The following OR7E24 variants were observed in gnomAD, a reference collection of about 807,000 sequenced individuals.
OR7E24 encodes olfactory receptor family 7 subfamily E member 24.
For synonymous variants in OR7E24, 130 were observed against 157.5 expected (o/e 0.83, Z 1.31); for missense variants, 385 against 410.3 (o/e 0.94, Z 0.53).
rs761441522 is a variant in OR7E24, at chr19:9,251,956, C to A, written c.913C>A (p.Pro305Thr). 1.2e-6 allele frequency: 2 copies of A among 1,614,086 alleles called. No homozygotes were observed. The highest frequency in any genetic ancestry group is 1.3e-5 in the African/African-American group (1 of 75,008). Residue 305 changes from proline to threonine, a missense_variant, in exon 1 of 1, where the codon CCC becomes ACC. By Grantham distance (38) the Pro-to-Thr change is conservative. Transcript: ENST00000456448. ...MYTVVTPMLN[P>T]FIYSLRNKDI... ...CACTGTGGTCACCCCCATGCTGAAC[C>A]CCTTCATCTACAGCCTGAGGAACAA...
upstream of OR7E24, among the ~76,000 whole-genome samples, chr19:9,246,519 C>G (rs1467382873): frequency 7.0e-5 from 6 of 85,348 alleles, no homozygotes; most frequent in African/African-American, 7.8e-5. Context: ...TGTGTGTTTT[C>G]TTCTCCCCTT....
chr19:9,246,683 G>C (rs2066131631), upstream of OR7E24, among the ~76,000 whole-genome samples: 1 of 152,088 alleles, frequency 6.6e-6, no homozygotes, highest in African/African-American at 2.4e-5. Context: ...AAACAGGAAG[G>C]CACTTCTGAC....
chr19:9,239,596 C>A, the OR7E24 span, among the ~76,000 whole-genome samples: 1 of 152,048 alleles, frequency 6.6e-6, no homozygotes, highest in Admixed American at 6.6e-5. Context: ...AATTTGCATG[C>A]CTTCTTTCTA....
chr19:9,238,282 C>G, the OR7E24 span, among the ~76,000 whole-genome samples: 1 of 150,828 alleles, frequency 6.6e-6, no homozygotes, highest in African/African-American at 2.4e-5. Context: ...GACTCTGTCT[C>G]AAAAAAACAA....
At chr19:9,230,909 T>G in the OR7E24 span, among the ~76,000 whole-genome samples, 1 of 152,048 alleles carries the variant, frequency 6.6e-6, no homozygotes, top group Non-Finnish European at 1.5e-5. Flanking sequence ...GCTGTAGTGT[T>G]TATTTATTGA....
chr19:9,221,983 T>C, the OR7E24 span, among the ~76,000 whole-genome samples: 10 of 152,338 alleles, frequency 6.6e-5, no homozygotes, highest in Admixed American at 3.3e-4. Context: ...CCATTTTGAA[T>C]GGATTTTCGT....
At chr19:9,214,967 C>G in the OR7E24 span, 1 of 609,894 alleles carries the variant, frequency 1.6e-6, no homozygotes. Context: ...GGAGTCCTTA[C>G]AAAGACAATG....
the OR7E24 span, chr19:9,236,036 A>G: frequency 1.2e-6 from 2 of 1,609,074 alleles, no homozygotes; most frequent in Non-Finnish European, 1.7e-6. Flanking sequence ...AAGGATGTGA[A>G]GGGGGCCCTG....
At chr19:9,213,602 G>A in the OR7E24 span, 11 of 320,404 alleles carry the variant, frequency 3.4e-5, no homozygotes, top group East Asian at 7.3e-4. Context: ...GCTGGCTGTG[G>A]TGGCACACAC....
chr19:9,238,778 T>A, the OR7E24 span, among the ~76,000 whole-genome samples: 1 of 152,228 alleles, frequency 6.6e-6, no homozygotes, highest in African/African-American at 2.4e-5. Flanking sequence ...GCAGTATTTG[T>A]CAAGCCGTGC....
chr19:9,214,612 T>A, the OR7E24 span: 6 of 1,613,828 alleles, frequency 3.7e-6, no homozygotes, highest in South Asian at 5.5e-5. Flanking sequence ...GGGACTGTGG[T>A]GGAGATGAAA....
At chr19:9,245,209 C>T (rs527934717), upstream of OR7E24, among the ~76,000 whole-genome samples, 152 of 150,556 alleles carry the variant, frequency 1.0e-3, 1 homozygote, top group Middle Eastern at 6.8e-3. Flanking sequence ...AGCAAGACTC[C>T]GTCTCAATAA....
the OR7E24 span, among the ~76,000 whole-genome samples, chr19:9,233,758 T>G: frequency 1.3e-5 from 2 of 152,226 alleles, no homozygotes; most frequent in Non-Finnish European, 2.9e-5. Flanking sequence ...ACATTTATGA[T>G]ATGGCCGTTG....
chr19:9,252,063 G>T lies in OR7E24; in HGVS notation c.1020G>T (p.Ter340TyrextTer48). 2 of 1,609,716 alleles carry T rather than the reference G, an allele frequency of 1.2e-6. No individual in the cohort carries two copies. Among genetic ancestry groups the T allele is most frequent in the Non-Finnish European group, 1.7e-6 (2 of 1,177,194 alleles). Residue 340 changes from the stop codon to tyrosine, a stop_lost, in exon 1 of 1, where the codon TAG becomes TAT. Transcript: ENST00000456448. Reference sequence around the variant, plus strand: ...TCCATCCTTTTTGTTATATGGGATAGAAATGGCAGCAAAATTTAACACCTA... The same window carrying T: ...TCCATCCTTTTTGTTATATGGGATATAAATGGCAGCAAAATTTAACACCTA... The part of the protein sequence containing the change: ...HHLHPFCYMG[*>Y]
chr19:9,238,111 T>C, the OR7E24 span, among the ~76,000 whole-genome samples: 9 of 152,114 alleles, frequency 5.9e-5, no homozygotes, highest in Non-Finnish European at 1.0e-4. Flanking sequence ...ATCCCATCTC[T>C]AATAAAACAA....
chr19:9,226,357 C>T, the OR7E24 span, among the ~76,000 whole-genome samples: 1 of 152,212 alleles, frequency 6.6e-6, no homozygotes, highest in African/African-American at 2.4e-5. Flanking sequence ...ATGTGTCCAC[C>T]CTACTGCTGG....
the OR7E24 span, chr19:9,235,410 C>T: frequency 6.2e-7 from 1 of 1,601,462 alleles, no homozygotes. Context: ...AGGCACGGAG[C>T]AAAGACATCT....
chr19:9,234,106 G>A, the OR7E24 span, among the ~76,000 whole-genome samples: 1 of 152,040 alleles, frequency 6.6e-6, no homozygotes, highest in African/African-American at 2.4e-5. Flanking sequence ...GTTTCACCAT[G>A]TTGGCCAGGC....
At chr19:9,214,547 G>C in the OR7E24 span, 13 of 1,614,050 alleles carry the variant, frequency 8.1e-6, no homozygotes, top group African/African-American at 1.3e-5. Context: ...CCTGAGTGAG[G>C]CACCCCATGT....
Sources: gnomAD v4.1 joint callset for allele counts (sites outside exome capture counted in the v4.1 genomes callset) on GRCh38, gnomAD v4.1.1 for gene constraint, MANE v1.5 for transcripts, NCBI Gene and HGNC (gene_info 2026-07-23, HGNC 2026-07-21) for gene names.